Variants in FSTL5 observed in about 807,000 individuals in gnomAD.
FSTL5 encodes the protein follistatin-related protein 5.
FSTL5 carries 62 observed loss-of-function variants against 89.1 expected under a neutral mutation model. The observed-to-expected ratio is 0.70, with a 90% CI of 0.57 to 0.86. The LOEUF (loss-of-function observed/expected upper bound fraction) is 0.86, where lower values mean the gene tolerates loss of function less well. Among genes scored for constraint, FSTL5 ranks in the 40% least tolerant of loss-of-function variants. FSTL5 has a pLI of 0.00. For missense variants in FSTL5, 1,057 were observed against 1,001.6 expected (o/e 1.06, Z -0.75); for synonymous variants, 383 against 346.2 (o/e 1.11, Z -1.18).
chr4:161,879,042 C>T (rs1282824560), intron 4 of FSTL5, among the ~76,000 whole-genome samples: 3 of 152,126 alleles, frequency 2.0e-5, no homozygotes, highest in Non-Finnish European at 4.4e-5. Flanking sequence ...ATTTAATACT[C>T]ACTCCCAAAA....
intron 3 of FSTL5, among the ~76,000 whole-genome samples, chr4:162,019,061 C>T (rs1226500685): frequency 6.6e-6 from 1 of 152,088 alleles, no homozygotes; most frequent in Non-Finnish European, 1.5e-5. Flanking sequence ...TGGGACTATA[C>T]ATTTGACTTT....
At chr4:162,069,046 A>G (rs1729480012) in intron 2 of FSTL5, among the ~76,000 whole-genome samples, 1 of 152,120 alleles carries the variant, frequency 6.6e-6, no homozygotes, top group African/African-American at 2.4e-5. Context: ...AAGAAACAAC[A>G]GATGCTGGTG....
At chr4:161,679,100 T>C (rs1434381771) in intron 6 of FSTL5, among the ~76,000 whole-genome samples, 1 of 151,702 alleles carries the variant, frequency 6.6e-6, no homozygotes, top group Non-Finnish European at 1.5e-5. Context: ...ATTTTAAAGA[T>C]CTTAAGTAAT....
At chr4:161,566,290 A>G (rs910430560) in intron 8 of FSTL5, among the ~76,000 whole-genome samples, 4 of 151,572 alleles carry the variant, frequency 2.6e-5, no homozygotes, top group Non-Finnish European at 5.9e-5. Context: ...GTTTTTACTT[A>G]TAAGTGGAAG....
At chr4:161,401,607 C>T (rs1377991302) in intron 15 of FSTL5, among the ~76,000 whole-genome samples, 2 of 152,200 alleles carry the variant, frequency 1.3e-5, no homozygotes, top group Admixed American at 6.5e-5. Context: ...TCACTGCAAG[C>T]TCTGCCTCCC....
intron 10 of FSTL5, among the ~76,000 whole-genome samples, chr4:161,529,524 C>T (rs1731341813): frequency 7.0e-6 from 1 of 142,056 alleles, no homozygotes; most frequent in African/African-American, 2.5e-5. Flanking sequence ...AACCTTATTG[C>T]TATATAAATC....
chr4:161,922,578 C>T (rs1174179850), intron 3 of FSTL5, among the ~76,000 whole-genome samples: 2 of 151,840 alleles, frequency 1.3e-5, no homozygotes, highest in Non-Finnish European at 2.9e-5. Context: ...AAGTCTAATC[C>T]AAGACTTATA....
chr4:161,629,052 G>C (rs1336172334), intron 7 of FSTL5, among the ~76,000 whole-genome samples: 1 of 152,188 alleles, frequency 6.6e-6, no homozygotes, highest in Non-Finnish European at 1.5e-5. Context: ...AGACAAAGTA[G>C]AAAGAAATGA....
chr4:161,388,600 T>C (rs906198879), intron 15 of FSTL5, among the ~76,000 whole-genome samples: 1 of 152,086 alleles, frequency 6.6e-6, no homozygotes, highest in Non-Finnish European at 1.5e-5. Context: ...CCATTAAGGA[T>C]GTATAGGTGT....
intron 4 of FSTL5, among the ~76,000 whole-genome samples, chr4:161,807,933 G>A (rs1730018126): frequency 6.6e-6 from 1 of 152,130 alleles, no homozygotes; most frequent in East Asian, 1.9e-4. Flanking sequence ...AAATCAGGAA[G>A]CTAATGAACA....
At chr4:161,689,669 A>G (rs534364313) in intron 6 of FSTL5, among the ~76,000 whole-genome samples, 3 of 152,260 alleles carry the variant, frequency 2.0e-5, no homozygotes, top group African/African-American at 7.2e-5. Context: ...ATAACATACA[A>G]TTTATGACCT....
At chr4:161,614,769 C>T (rs1317536601) in intron 7 of FSTL5, among the ~76,000 whole-genome samples, 1 of 152,060 alleles carries the variant, frequency 6.6e-6, no homozygotes, top group African/African-American at 2.4e-5. Flanking sequence ...TTACTATATT[C>T]TAAACACTAT....
intron 10 of FSTL5, 101 bp from the exon 11 acceptor site, chr4:161,510,525 A>G (rs1730618676): frequency 1.5e-6 from 1 of 666,456 alleles, no homozygotes; most frequent in Non-Finnish European, 2.5e-6. Flanking sequence ...AATATCTATG[A>G]TAGAATGTGT....
chr4:161,950,577 G>C (rs928595114), intron 3 of FSTL5, among the ~76,000 whole-genome samples: 2 of 152,142 alleles, frequency 1.3e-5, no homozygotes, highest in Non-Finnish European at 2.9e-5. Context: ...CAGGCCTCCT[G>C]TTTCCTAGGG....
chr4:161,499,896 T>A (rs1441791069), intron 12 of FSTL5, 120 bp downstream of exon 12: 1 of 648,442 alleles, frequency 1.5e-6, no homozygotes, highest in Non-Finnish European at 2.7e-6. Flanking sequence ...TATCATGGGT[T>A]TCATAATTTT....
At chr4:161,836,878 A>T (rs1460266145) in intron 4 of FSTL5, among the ~76,000 whole-genome samples, 2 of 152,094 alleles carry the variant, frequency 1.3e-5, no homozygotes, top group Non-Finnish European at 2.9e-5. Flanking sequence ...TTATGATTTG[A>T]ATAATTGAGT....
At chr4:161,532,463 T>C (rs1417308658) in intron 10 of FSTL5, among the ~76,000 whole-genome samples, 3 of 152,212 alleles carry the variant, frequency 2.0e-5, no homozygotes, top group Non-Finnish European at 4.4e-5. Context: ...TGCTTTTTCA[T>C]TTAAAAATTG....
At chr4:161,582,373 T>C (rs1283074511) in intron 8 of FSTL5, among the ~76,000 whole-genome samples, 1 of 152,232 alleles carries the variant, frequency 6.6e-6, no homozygotes, top group African/African-American at 2.4e-5. Context: ...ATTCCATAAA[T>C]GTGCTATTTG....
chr4:161,845,279 T>G (rs1731334093), intron 4 of FSTL5, among the ~76,000 whole-genome samples: 1 of 152,230 alleles, frequency 6.6e-6, no homozygotes, highest in Admixed American at 6.5e-5. Context: ...TGTTTGAGTT[T>G]TGTTTTAACT....
Sources: allele counts gnomAD v4.1 joint callset (sites outside exome capture counted in the v4.1 genomes callset), GRCh38; gene constraint gnomAD v4.1.1; transcripts MANE v1.5; gene names NCBI Gene and HGNC (gene_info 2026-07-23, HGNC 2026-07-21).